Variants in TIMELESS observed in about 807,000 individuals in gnomAD.
TIMELESS encodes the protein timeless circadian regulator.
A neutral mutation model predicts 164.3 loss-of-function variants in TIMELESS; 124 were observed. The observed-to-expected ratio is 0.75, with a 90% CI of 0.65 to 0.88. The LOEUF is 0.88. TIMELESS is among the 40% of genes least tolerant of loss of function. The pLI is 0.00. For synonymous variants in TIMELESS, 564 were observed against 563.4 expected (o/e 1.00, Z -0.02); for missense variants, 1,422 against 1,491.4 (o/e 0.95, Z 0.77).
intron 19 of TIMELESS, 47 bp from the exon 20 acceptor site, chr12:56,422,238 AAG>A: frequency 6.4e-7 from 1 of 1,566,602 alleles, no homozygotes; most frequent in South Asian, 1.1e-5. Flanking sequence ...TTGGCCCAAA[AAG>A]AGGAGACCAA....
intron 26 of TIMELESS, 70 bp downstream of exon 26, chr12:56,420,499 G>C (rs924180983): frequency 9.2e-7 from 1 of 1,084,062 alleles, no homozygotes. Context: ...ATGACAGTGA[G>C]GAGGAGGAGG....
intron 8 of TIMELESS, among the ~76,000 whole-genome samples, chr12:56,431,226 C>T (rs1204729615): frequency 1.3e-5 from 2 of 151,930 alleles, no homozygotes; most frequent in East Asian, 3.8e-4. Flanking sequence ...TGGTGGCATG[C>T]GCCTGTAGTC....
chr12:56,447,170 C>G, intron 1 of TIMELESS, among the ~76,000 whole-genome samples: 1 of 140,614 alleles, frequency 7.1e-6, no homozygotes. Flanking sequence ...CCACCATACC[C>G]AGCTAATTTT....
chr12:56,425,818 T>C (rs1881657712), intron 13 of TIMELESS, among the ~76,000 whole-genome samples: 1 of 151,942 alleles, frequency 6.6e-6, no homozygotes, highest in African/African-American at 2.4e-5. Flanking sequence ...GAGGTTGCAG[T>C]GAGCTGAGAT....
chr12:56,422,818 C>G, intron 19 of TIMELESS, 29 bp downstream of exon 19: 3 of 1,537,786 alleles, frequency 2.0e-6, no homozygotes, highest in Non-Finnish European at 1.8e-6. Context: ...CCCCTACCCC[C>G]ACCCACCCTT....
intron 1 of TIMELESS, among the ~76,000 whole-genome samples, chr12:56,447,505 T>A (rs1346808422): frequency 6.6e-6 from 1 of 152,138 alleles, no homozygotes; most frequent in Non-Finnish European, 1.5e-5. Flanking sequence ...TAAGATGGTG[T>A]GAGTGCAGTG....
chr12:56,430,087 T>C lies in TIMELESS; in HGVS notation c.1086+18A>G. 1.9e-6 allele frequency: 3 copies of C among 1,595,884 alleles called. No individual in the cohort carries two copies. Among genetic ancestry groups the C allele is most frequent in the Non-Finnish European group, 2.6e-6 (3 of 1,171,096 alleles). On this transcript the variant is annotated intron_variant, in intron 10 of 28. Transcript: ENST00000553532. ...TATTCCATTCCTGATTATCTCCATA[T>C]CCTTCACAGGTTCTCACCTTTACTG...
intron 1 of TIMELESS, among the ~76,000 whole-genome samples, chr12:56,439,920 A>T (rs1045008858): frequency 6.6e-6 from 1 of 152,168 alleles, no homozygotes; most frequent in Admixed American, 6.5e-5. Context: ...TTCACATTTC[A>T]TCATAGACCA....
chr12:56,429,597 G>A (rs1261064290), intron 10 of TIMELESS, among the ~76,000 whole-genome samples: 1 of 143,798 alleles, frequency 7.0e-6, no homozygotes, highest in Non-Finnish European at 1.5e-5. Context: ...TGCCTCCCAG[G>A]TTCAAGTGAT....
chr12:56,421,282 T>C, intron 23 of TIMELESS, 69 bp downstream of exon 23: 2 of 1,586,018 alleles, frequency 1.3e-6, no homozygotes, highest in Admixed American at 1.7e-5. Context: ...AGAATCCAGG[T>C]GGACTGCTCC....
At chr12:56,425,871 C>T (rs562176618) in intron 13 of TIMELESS, among the ~76,000 whole-genome samples, 2 of 151,198 alleles carry the variant, frequency 1.3e-5, no homozygotes, top group East Asian at 3.9e-4. Flanking sequence ...CGAGACCCTG[C>T]TTAAAAAAAT....
rs139191286 is a variant in TIMELESS at position 56,431,546 on chromosome 12, T to A, written c.746A>T (p.Asp249Val). The A allele has an allele frequency of 1.1e-5, 18 of 1,613,732 alleles. No individual in the cohort carries two copies. Among genetic ancestry groups the A allele is most frequent in the Non-Finnish European group, 1.5e-5 (18 of 1,179,986 alleles). ...GCGCAACACCTCCAGTTCTGCAAAA[T>A]CTGCACTCCGCTCCTGAGCTAAGCG... ...QGRLAQERSA[D>V]FAELEVLRQR... The change falls in exon 8 of 29, where the codon GAT (aspartate) becomes GTT (valine). Residue 249 changes from aspartate (D) to valine (V), a missense_variant. Asp to Val is a radical substitution (Grantham distance 152). Coordinates refer to ENST00000553532, the MANE Select transcript of TIMELESS (RefSeq NM_003920.5).
At chr12:56,428,106 A>G in intron 13 of TIMELESS, 130 bp downstream of exon 13, 5 of 798,886 alleles carry the variant, frequency 6.3e-6, no homozygotes, top group Non-Finnish European at 7.4e-6. Flanking sequence ...AACACCCACA[A>G]ACCTCTTGCT....
At chr12:56,444,594 T>G (rs562151416) in intron 1 of TIMELESS, among the ~76,000 whole-genome samples, 17 of 152,052 alleles carry the variant, frequency 1.1e-4, no homozygotes, top group African/African-American at 4.1e-4. Context: ...AAAAGTGTAG[T>G]GATGTGCAGT....
At chr12:56,422,720 T>G in intron 19 of TIMELESS, 127 bp downstream of exon 19, 1 of 1,077,474 alleles carries the variant, frequency 9.3e-7, no homozygotes, top group Non-Finnish European at 1.3e-6. Context: ...GAGCCTGTTC[T>G]CTCACCCATA....
In TIMELESS at chr12:56,433,633, G is replaced by T. The variant is rs141086961; in HGVS notation, c.271C>A (p.Gln91Lys). 2 of 1,614,054 alleles carry T rather than the reference G, an allele frequency of 1.2e-6. No individual in the cohort carries two copies. Among genetic ancestry groups the T allele is most frequent in the African/African-American group, 2.7e-5 (2 of 74,952 alleles). Residue 91 changes from glutamine to lysine, a missense_variant, in exon 4 of 29, where the codon CAA becomes AAA. Transcript: ENST00000553532. ...TTGCCAAAACAGAGCAAGGCTGGTT[G>T]TGTCAAGTTCACCATCAGTCTGGGA... ...AVIRLMVNLTQPALLCFGNLP... is the reference protein window; with the variant it reads ...AVIRLMVNLTKPALLCFGNLP...
At chr12:56,426,680 C>T (rs1175625449) in intron 13 of TIMELESS, among the ~76,000 whole-genome samples, 1 of 152,080 alleles carries the variant, frequency 6.6e-6, no homozygotes, top group Non-Finnish European at 1.5e-5. Flanking sequence ...CCACTTCAGC[C>T]TCCCAAGAAG....
intron 1 of TIMELESS, among the ~76,000 whole-genome samples, chr12:56,447,616 G>A (rs970189647): frequency 6.6e-6 from 1 of 152,150 alleles, no homozygotes; most frequent in Non-Finnish European, 1.5e-5. Flanking sequence ...AGTTCCTTAA[G>A]GGTCGGGAAC....
chr12:56,438,123 C>T (rs895473360), intron 1 of TIMELESS, among the ~76,000 whole-genome samples: 3 of 152,064 alleles, frequency 2.0e-5, no homozygotes, highest in African/African-American at 7.2e-5. Flanking sequence ...CTCACTGCAA[C>T]CTCTGCCTCC....
Sources: gnomAD v4.1 joint callset for allele counts (sites outside exome capture counted in the v4.1 genomes callset) on GRCh38, gnomAD v4.1.1 for gene constraint, MANE v1.5 for transcripts, NCBI Gene and HGNC (gene_info 2026-07-23, HGNC 2026-07-21) for gene names.